The following PRRC2C variants were observed in gnomAD, a reference collection of about 807,000 sequenced individuals.
PRRC2C encodes the protein protein PRRC2C.
In PRRC2C, 72 loss-of-function variants were observed where a neutral mutation model predicts 317.2. That is an observed-to-expected ratio of 0.23 (90% CI 0.19 to 0.28). The LOEUF is 0.28. PRRC2C is among the 10% of genes least tolerant of loss of function. PRRC2C has a pLI of 1.00. For synonymous variants in PRRC2C, 1,296 were observed against 1,205.9 expected, an observed-to-expected ratio of 1.07 and a Z score of -1.55; for missense variants, 3,074 against 3,459.7, an observed-to-expected ratio of 0.89 and a Z score of 2.80.
chr1:171,514,376 T>A (rs1197839204), intron 3 of PRRC2C, among the ~76,000 whole-genome samples, 160 bp from the exon 4 acceptor site: 2 of 152,120 alleles, frequency 1.3e-5, no homozygotes, highest in Non-Finnish European at 2.9e-5. Flanking sequence ...TAGCCATAAT[T>A]CATTTAAAGG....
chr1:171,518,852 A>C (rs1280004013), intron 6 of PRRC2C, among the ~76,000 whole-genome samples: 1 of 150,300 alleles, frequency 6.7e-6, no homozygotes, highest in East Asian at 2.0e-4. Context: ...AAATAAAGAT[A>C]ACAGTGCAAT....
chr1:171,565,644 C>T lies in PRRC2C; in HGVS notation c.6118-589C>T, dbSNP rs375918956. Among the ~76,000 whole-genome samples, 7 of 152,294 alleles carry T rather than the reference C, an allele frequency of 4.6e-5. No individual in the cohort carries two copies. In the East Asian group the frequency reaches 1.2e-3, roughly 25 times the overall value. On this transcript the variant is annotated intron_variant, in intron 20 of 34. Coordinates refer to ENST00000647382, the MANE Select transcript of PRRC2C (RefSeq NM_001387844.1). ...TGTATTTTTAGTAGAGACAGAGTTT[C>T]ACCATGTTGGTCAGGCTGGTCTCAA...
Position 171,589,481 on chromosome 1 carries a change from C to T in PRRC2C, c.8312C>T (p.Pro2771Leu), listed in dbSNP as rs1363373706. ...PMALASQMPPPLTTGLMSHAR... is the reference protein window; with the variant it reads ...PMALASQMPPLLTTGLMSHAR... ...GCACTGGCCAGTCAGATGCCTCCTCCGCTGACCACAGGCCTCATGAGCCAT... is the reference window on the plus strand; with the variant it reads ...GCACTGGCCAGTCAGATGCCTCCTCTGCTGACCACAGGCCTCATGAGCCAT... The change falls in exon 34 of 35, where the codon CCG (proline) becomes CTG (leucine). Residue 2771 changes from proline to leucine, a missense_variant. Physicochemically the swap from Pro to Leu is moderately conservative, Grantham distance 98. This residue lies in a region of PRRC2C where 490 missense variants were observed against 663.1 expected (regional missense o/e 0.74). Coordinates refer to ENST00000647382, the MANE Select transcript of PRRC2C (RefSeq NM_001387844.1). The T allele has an allele frequency of 2.5e-5, 32 of 1,289,686 alleles. No homozygotes were observed. Among genetic ancestry groups the T allele is most frequent in the East Asian group, 1.7e-4 (3 of 18,034 alleles). The allele number at this position is 1,289,686 out of a possible 1,614,324, so 79.9% of individuals were successfully genotyped here. A position where few individuals can be genotyped will look rare whatever the true frequency, so the allele number is the denominator to read the frequency against.
In PRRC2C at chr1:171,541,857, A is replaced by G. The variant is rs1678012387; in HGVS notation, c.4391A>G (p.Asn1464Ser). ...VVAVPTNGTV[N>S]NVAQEPVNTL... is the part of the protein sequence containing the mutation. ...GCAGTGCCCACAAATGGCACAGTTA[A>G]TAATGTGGCTCAAGAACCAGTTAAT... Residue 1464 changes from asparagine to serine, a missense_variant, in exon 16 of 35, where the codon AAT becomes AGT. Transcript: ENST00000647382. This position sits in a 1 kb window ranked among gnomAD's most constrained non-coding sequence, Gnocchi z 4.1. 1.9e-6 allele frequency: 3 copies of G among 1,613,892 alleles called. No individual in the cohort carries two copies. The highest frequency in any genetic ancestry group is 3.3e-5 in the Admixed American group (2 of 60,030).
In PRRC2C at chr1:171,558,102, A is replaced by G. The variant is rs760177248; in HGVS notation, c.5990A>G (p.Lys1997Arg). Residue 1997 changes from lysine to arginine, a missense_variant, in exon 19 of 35, where the codon AAG (lysine) becomes AGG (arginine). This residue lies in a region of PRRC2C where 640 missense variants were observed against 676.1 expected (regional missense o/e 0.95). Coordinates refer to ENST00000647382, the MANE Select transcript of PRRC2C (RefSeq NM_001387844.1). ...CTGACAGCTGAATTATGGGATAACA[A>G]GGTGGCCCCACCAGCTGTGCTGAAT... ...GTLTAELWDN[K>R]VAPPAVLNDI... 1.2e-6 allele frequency: 2 copies of G among 1,613,796 alleles called. No individual in the cohort carries two copies. The highest frequency in any genetic ancestry group is 8.5e-7 in the Non-Finnish European group (1 of 1,179,758).
chr1:171,547,827 T>C (rs1679448891), intron 17 of PRRC2C, among the ~76,000 whole-genome samples: 1 of 151,880 alleles, frequency 6.6e-6, no homozygotes, highest in Non-Finnish European at 1.5e-5. Context: ...GTATTTTTAG[T>C]AGCGACTTTA....
chr1:171,539,917 AC>A, intron 15 of PRRC2C, 53 bp from the exon 16 acceptor site: 2 of 1,414,982 alleles, frequency 1.4e-6, no homozygotes, highest in South Asian at 2.7e-5. Context: ...CTATATACTT[AC>A]GCATGGGAAA....
At position 171,574,939 on chromosome 1, in the gene PRRC2C, C is replaced by T. The variant is rs746492739; in HGVS notation, c.6766C>T (p.Arg2256Cys). Residue 2256 changes from arginine (R) to cysteine (C), a missense_variant, in exon 25 of 35, where the codon CGC becomes TGC. Around this residue, in one of 11 missense-constraint regions of PRRC2C, gnomAD observed 490 missense variants for 663.1 expected, o/e 0.74. Transcript: ENST00000647382. ...FSLTFKMESA[R>C]KAWENSPNVR... Reference sequence around the variant, plus strand: ...CGTTTTATTGCAGATGGAGTCTGCACGCAAAGCATGGGAGAATTCTCCAAA... The same window carrying T: ...CGTTTTATTGCAGATGGAGTCTGCATGCAAAGCATGGGAGAATTCTCCAAA... 5.0e-6 allele frequency: 8 copies of T among 1,613,744 alleles called. No homozygotes were observed. The highest frequency in any genetic ancestry group is 2.2e-5 in the East Asian group (1 of 44,860).
chr1:171,581,841 A>G (rs1243719299), intron 28 of PRRC2C, among the ~76,000 whole-genome samples: 1 of 152,252 alleles, frequency 6.6e-6, no homozygotes, highest in Non-Finnish European at 1.5e-5. Flanking sequence ...GCAACAAAGC[A>G]TAATGTTCTT....
Position 171,512,048 on chromosome 1 carries a change from G to T in PRRC2C, c.-41G>T. On this transcript the variant is annotated 5_prime_UTR_variant, in exon 2 of 35. Coordinates refer to ENST00000647382, the MANE Select transcript of PRRC2C (RefSeq NM_001387844.1). Reference sequence around the variant, plus strand: ...CATCTTAAGGACTGGGGTTTTAAGGGGTGTGGCAGGAGGTTTTGGACTCGA... The same window carrying T: ...CATCTTAAGGACTGGGGTTTTAAGGTGTGTGGCAGGAGGTTTTGGACTCGA... The T allele has an allele frequency of 8.6e-7, 1 of 1,160,674 alleles. No homozygotes were observed. The highest frequency in any genetic ancestry group is 1.2e-6 in the Non-Finnish European group (1 of 806,470). 71.9% of individuals were successfully genotyped at this position (1,160,674 alleles called of 1,614,324 possible). A position where few individuals can be genotyped will look rare whatever the true frequency, so the allele number is the denominator to read the frequency against.
chr1:171,557,509 C>T lies in PRRC2C; in HGVS notation c.5397C>T (p.Thr1799=), dbSNP rs373428028. 3.2e-6 allele frequency: 5 copies of T among 1,551,460 alleles called. No homozygotes were observed. The African/African-American group carries it at 6.9e-5, about 21-fold the overall frequency. Residue 1799 remains threonine, a synonymous_variant, in exon 19 of 35, where the codon ACC becomes ACT. Coordinates refer to ENST00000647382, the MANE Select transcript of PRRC2C (RefSeq NM_001387844.1). The part of the protein sequence containing the change: ...ASTLAPVLAS[T]SAPVPASPLA... ...CTTTAGCTCCAGTTCTGGCCTCAAC[C>T]TCAGCTCCAGTTCCAGCCTCACCCT...
intron 3 of PRRC2C, 100 bp downstream of exon 3, chr1:171,513,272 T>A: frequency 8.5e-7 from 1 of 1,177,906 alleles, no homozygotes; most frequent in Non-Finnish European, 1.2e-6. Flanking sequence ...CTGTCTGTAT[T>A]ACATATTACA....
intron 1 of PRRC2C, among the ~76,000 whole-genome samples, 155 bp downstream of exon 1, chr1:171,485,890 GT>G (rs1265888918): frequency 6.6e-6 from 1 of 152,114 alleles, no homozygotes; most frequent in Non-Finnish European, 1.5e-5. Flanking sequence ...TTTCCCTTCT[GT>G]TTGGTTACCA....
Position 171,540,962 on chromosome 1 carries a change from A to C in PRRC2C, c.3496A>C (p.Thr1166Pro). ...DSRPAVKKES[T>P]LPPRTYWKEA... is the part of the protein sequence containing the mutation. ...AAGACCAGCAGTTAAAAAAGAATCA[A>C]CTTTGCCTCCCAGGACCTATTGGAA... Residue 1166 changes from threonine (T) to proline (P), a missense_variant, in exon 16 of 35, where the codon ACT (threonine) becomes CCT (proline). Thr to Pro is a conservative substitution (Grantham distance 38). Coordinates refer to ENST00000647382, the MANE Select transcript of PRRC2C (RefSeq NM_001387844.1). 1 of 1,614,038 alleles carries C rather than the reference A, an allele frequency of 6.2e-7. No individual in the cohort carries two copies. Among genetic ancestry groups the C allele is most frequent in the Non-Finnish European group, 8.5e-7 (1 of 1,179,890 alleles).
chr1:171,530,798 T>A (rs1005023091), intron 11 of PRRC2C, among the ~76,000 whole-genome samples: 7 of 152,184 alleles, frequency 4.6e-5, no homozygotes, highest in South Asian at 2.1e-4. Flanking sequence ...CCCTTATACA[T>A]TGGAAAACCT....
At chr1:171,513,489 T>G in intron 3 of PRRC2C, 1 of 480,156 alleles carries the variant, frequency 2.1e-6, no homozygotes, top group East Asian at 6.1e-5. Flanking sequence ...TTGACTCCGA[T>G]ACCTAAATTC....
Position 171,517,812 on chromosome 1 carries a change from T to C in PRRC2C, c.748T>C (p.Tyr250His). 1 of 1,609,186 alleles carries C rather than the reference T, an allele frequency of 6.2e-7. No individual in the cohort carries two copies. Among genetic ancestry groups the C allele is most frequent in the African/African-American group, 1.3e-5 (1 of 74,952 alleles). Reference sequence around the variant, plus strand: ...CCAGTATAGAGCTATGATGCCTCCTTATGTGAGTATTGTTAAATGAACAAG... The same window carrying C: ...CCAGTATAGAGCTATGATGCCTCCTCATGTGAGTATTGTTAAATGAACAAG... ...ASQYRAMMPP[Y>H]MFQQYPRMTY... Residue 250 changes from tyrosine (Y) to histidine (H), a missense_variant and splice_region_variant, in exon 6 of 35, where the codon TAT becomes CAT. Coordinates refer to ENST00000647382, the MANE Select transcript of PRRC2C (RefSeq NM_001387844.1).
rs1340215354 is a variant in PRRC2C at position 171,545,616 on chromosome 1, C to G, written c.4901C>G (p.Pro1634Arg). Residue 1634 changes from proline (P) to arginine (R), a missense_variant, in exon 17 of 35, where the codon CCC (proline) becomes CGC (arginine). Pro to Arg is a moderately radical substitution (Grantham distance 103, BLOSUM62 -2). Transcript: ENST00000647382. ...TCTACTGGGAAAAAAAGAGAAGACCCCAAACCAGGCCCTAAAAAACCAAAA... is the reference window on the plus strand; with the variant it reads ...TCTACTGGGAAAAAAAGAGAAGACCGCAAACCAGGCCCTAAAAAACCAAAA... ...KDSTGKKRED[P>R]KPGPKKPKEK... The G allele has an allele frequency of 1.9e-6, 3 of 1,612,688 alleles. No individual in the cohort carries two copies. The East Asian group carries it at 6.7e-5, about 36-fold the overall frequency.
At chr1:171,573,673 C>CTTTTTTTTTTTT (rs1024285954) in intron 24 of PRRC2C, among the ~76,000 whole-genome samples, 4 of 85,810 alleles carry the variant, frequency 4.7e-5, no homozygotes, top group East Asian at 3.9e-4. Flanking sequence ...TCTCAAAATT[C>CTTTTTTTTTTTT]TTTTTTTTTT....
Sources: gnomAD v4.1 joint callset for allele counts (sites outside exome capture counted in the v4.1 genomes callset) on GRCh38, gnomAD v4.1.1 for gene constraint, gnomAD v4.1.1 regional missense constraint, Gnocchi (gnomAD v3.1) non-coding constraint, MANE v1.5 for transcripts, NCBI Gene and HGNC (gene_info 2026-07-23, HGNC 2026-07-21) for gene names.